Variants in BLM observed in about 807,000 individuals in gnomAD.
The protein encoded by BLM is recQ-like DNA helicase BLM.
In BLM, 95 loss-of-function variants were observed where a neutral mutation model predicts 135.3. The ratio of observed to expected loss-of-function variants is 0.70; its 90% CI spans 0.59 to 0.83. The LOEUF (loss-of-function observed/expected upper bound fraction) is 0.83, where lower values mean the gene tolerates loss of function less well. Among genes scored for constraint, BLM ranks in the 40% least tolerant of loss-of-function variants. BLM has a pLI of 0.00. For synonymous variants in BLM, 520 were observed against 589.2 expected (o/e 0.88, Z 1.70); for missense variants, 1,518 against 1,663.9 (o/e 0.91, Z 1.53).
chr15:90,784,111 T>C (rs904380015), intron 13 of BLM, among the ~76,000 whole-genome samples: 12 of 152,284 alleles, frequency 7.9e-5, no homozygotes, highest in South Asian at 2.1e-4. Context: ...TTGATAGTTA[T>C]AGTATATTTT....
In BLM at chr15:90,815,620, G is replaced by T; in HGVS notation, c.*341G>T. On this transcript the variant is annotated 3_prime_UTR_variant, in exon 22 of 22. Transcript: ENST00000355112. This position sits in a 1 kb window ranked among gnomAD's most constrained non-coding sequence, Gnocchi z 4.6. ...CCCTTGTGAAACTAAAGCTTTTCGT[G>T]TAAGACAACACAAACAAAATTTAAA... 6.3e-6 allele frequency: 2 copies of T among 318,370 alleles called. No individual in the cohort carries two copies. Among genetic ancestry groups the T allele is most frequent in the African/African-American group, 2.2e-5 (1 of 45,944 alleles). The allele number at this position is 318,370 out of a possible 1,614,324, so 19.7% of individuals were successfully genotyped here. A position where few individuals can be genotyped will look rare whatever the true frequency, so the allele number is the denominator to read the frequency against.
Position 90,760,793 on chromosome 15 carries a change from C to T in BLM, c.1420C>T (p.Leu474=), listed in dbSNP as rs1596229827. The change falls in exon 7 of 22, where the codon CTA becomes TTA. Residue 474 remains leucine (L), a synonymous_variant. Coordinates refer to ENST00000355112, the MANE Select transcript of BLM (RefSeq NM_000057.4). ...TGGGGACTGTTTACTGACTACCACC[C>T]TAGGAAAGACAGGATTCTCTGCCAC... is the stretch of plus-strand genomic sequence containing the variant. The part of the protein sequence containing the change: ...SPGDCLLTTT[L]GKTGFSATRK... 1 of 1,613,910 alleles carries T rather than the reference C, an allele frequency of 6.2e-7. No homozygotes were observed. The highest frequency in any genetic ancestry group is 1.1e-5 in the South Asian group (1 of 91,078).
intron 8 of BLM, 136 bp from the exon 9 acceptor site, chr15:90,765,160 T>C (rs892864767): frequency 6.9e-5 from 52 of 756,980 alleles, no homozygotes; most frequent in Non-Finnish European, 1.1e-4. Flanking sequence ...GTTTGAGTCA[T>C]TTGAGTATGG....
At position 90,760,879 on chromosome 15, in the gene BLM, T is replaced by TTAC. The variant is rs1239503613; in HGVS notation, c.1506_1507insTAC (p.Ser502_Ser503insTyr). ...CCCATTTACAGAAGTCCTTTGTAAG[T>TTAC]AGCAACTGGGCTGAAACACCAAGAC... On this transcript the variant is annotated inframe_insertion, in exon 7 of 22. Transcript: ENST00000355112. The TTAC allele has an allele frequency of 3.1e-6, 5 of 1,613,878 alleles. No homozygotes were observed. The highest frequency in any genetic ancestry group is 4.2e-6 in the Non-Finnish European group (5 of 1,180,044).
intron 1 of BLM, among the ~76,000 whole-genome samples, chr15:90,732,967 C>T (rs907684643): frequency 6.6e-6 from 1 of 152,138 alleles, no homozygotes; most frequent in Non-Finnish European, 1.5e-5. Context: ...GTGGCATGCA[C>T]CTGTAATCCC....
At chr15:90,810,501 C>T (rs1244638617) in intron 20 of BLM, among the ~76,000 whole-genome samples, 2 of 152,190 alleles carry the variant, frequency 1.3e-5, no homozygotes, top group Non-Finnish European at 2.9e-5. Context: ...TAGGACAAGG[C>T]AGACCAGCCA....
At chr15:90,793,202 C>G (rs1371617879) in intron 15 of BLM, among the ~76,000 whole-genome samples, 4 of 149,604 alleles carry the variant, frequency 2.7e-5, no homozygotes, top group Non-Finnish European at 4.4e-5. Context: ...ATGGCACGAT[C>G]TCAGCTCACT....
intron 17 of BLM, among the ~76,000 whole-genome samples, chr15:90,801,989 G>A (rs1402167269): frequency 2.6e-5 from 4 of 152,048 alleles, no homozygotes; most frequent in South Asian, 2.1e-4. Context: ...CCATGAGATC[G>A]AGGTGGCAGT....
chr15:90,729,245 G>T (rs1386170950), intron 1 of BLM, among the ~76,000 whole-genome samples: 1 of 152,112 alleles, frequency 6.6e-6, no homozygotes, highest in African/African-American at 2.4e-5. Context: ...AGGAGACAGA[G>T]GTTGCAGTTT....
In BLM at chr15:90,766,968, T is replaced by A; in HGVS notation, c.2252T>A (p.Leu751His). ...GACTCAGAAGCTACAAATATTTACC[T>A]CCAGTTATCAAAAAAAGACCCAATC... The part of the protein sequence containing the change: ...KTDSEATNIY[L>H]QLSKKDPIIK... The change falls in exon 10 of 22, where the codon CTC (leucine) becomes CAC (histidine). Residue 751 changes from leucine (L) to histidine (H), a missense_variant. Around this residue, in one of 5 missense-constraint regions of BLM, gnomAD observed 626 missense variants for 681.1 expected, o/e 0.92. Coordinates refer to ENST00000355112, the MANE Select transcript of BLM (RefSeq NM_000057.4). 1 of 1,605,874 alleles carries A rather than the reference T, an allele frequency of 6.2e-7. No homozygotes were observed. Among genetic ancestry groups the A allele is most frequent in the Non-Finnish European group, 8.5e-7 (1 of 1,173,532 alleles).
intron 6 of BLM, 117 bp downstream of exon 6, chr15:90,760,396 C>A: frequency 7.2e-7 from 1 of 1,386,260 alleles, no homozygotes. Context: ...TAAGGATGAT[C>A]ATCATGCCAC....
chr15:90,747,758 G>T, intron 2 of BLM: 2 of 374,506 alleles, frequency 5.3e-6, no homozygotes. Context: ...GTAAATTTGG[G>T]CAAATAAGTG....
At chr15:90,768,337 C>T (rs1343357495) in intron 10 of BLM, among the ~76,000 whole-genome samples, 1 of 152,184 alleles carries the variant, frequency 6.6e-6, no homozygotes, top group Admixed American at 6.5e-5. Flanking sequence ...AATTGTCCTA[C>T]ATGTGACCAG....
At chr15:90,748,919 G>A (rs925771924) in intron 2 of BLM, among the ~76,000 whole-genome samples, 3 of 151,814 alleles carry the variant, frequency 2.0e-5, no homozygotes, top group East Asian at 1.9e-4. Flanking sequence ...CACTATGCCC[G>A]GCTAATTTTT....
intron 2 of BLM, among the ~76,000 whole-genome samples, chr15:90,748,465 C>G (rs571373410): frequency 2.0e-5 from 3 of 152,134 alleles, no homozygotes; most frequent in Non-Finnish European, 2.9e-5. Context: ...GAAACTACAG[C>G]TCTCCAGTTC....
Position 90,741,734 on chromosome 15 carries a change from A to C in BLM, c.-4-5655A>C, listed in dbSNP as rs533074526. 1.1e-3 allele frequency among the ~76,000 whole-genome samples: 174 copies of C among 152,304 alleles called. 1 individual carries two copies. The highest frequency in any genetic ancestry group is 3.1e-3 in the South Asian group (15 of 4,834). On this transcript the variant is annotated intron_variant, in intron 1 of 21. Coordinates refer to ENST00000355112, the MANE Select transcript of BLM (RefSeq NM_000057.4). ...CTTTGGGTTGTATTGGTATATTATC[A>C]AGTTGTCTACATATAATGATAATCT...
intron 15 of BLM, among the ~76,000 whole-genome samples, chr15:90,791,725 G>A (rs1189277188): frequency 6.6e-6 from 1 of 151,746 alleles, no homozygotes; most frequent in African/African-American, 2.4e-5. Flanking sequence ...TGCAACCTCC[G>A]CCTCCCGGGT....
chr15:90,803,836 C>G (rs1865613573), intron 18 of BLM, 116 bp downstream of exon 18: 3 of 1,068,052 alleles, frequency 2.8e-6, no homozygotes, highest in African/African-American at 1.6e-5. Context: ...ATATACTGTT[C>G]TATACGAACA....
At chr15:90,751,559 C>T (rs575024004) in intron 3 of BLM, among the ~76,000 whole-genome samples, 3 of 152,216 alleles carry the variant, frequency 2.0e-5, no homozygotes, top group Non-Finnish European at 2.9e-5. Context: ...AATCCCTAAG[C>T]AAATCTTCGG....
Sources: allele counts gnomAD v4.1 joint callset (sites outside exome capture counted in the v4.1 genomes callset), GRCh38; gene constraint gnomAD v4.1.1; regional missense constraint gnomAD v4.1.1; non-coding constraint Gnocchi (gnomAD v3.1); transcripts MANE v1.5; gene names NCBI Gene and HGNC (gene_info 2026-07-23, HGNC 2026-07-21).